The following ARHGEF9 variants were observed in gnomAD, a reference collection of about 807,000 sequenced individuals.
ARHGEF9 encodes the protein rho guanine nucleotide exchange factor 9.
In ARHGEF9, 2 loss-of-function variants were observed where a neutral mutation model predicts 41.3. The ratio of observed to expected loss-of-function variants is 0.05; its 90% CI spans 0.02 to 0.15. The LOEUF is 0.15. ARHGEF9 is among the 10% of genes least tolerant of loss of function. The probability of loss-of-function intolerance (pLI) is 1.00; values close to 1 mark genes in which losing one functional copy is unlikely to be tolerated. For synonymous variants in ARHGEF9, 160 were observed against 154.4 expected, an observed-to-expected ratio of 1.04 and a Z score of -0.27; for missense variants, 225 against 424.7, an observed-to-expected ratio of 0.53 and a Z score of 4.13.
At chrX:63,706,931 C>T (rs1374379066) in intron 2 of ARHGEF9, among the ~76,000 whole-genome samples, 2 of 112,025 alleles carry the variant, frequency 1.8e-5, no homozygotes, top group African/African-American at 6.5e-5. Context: ...AGATCTCTAC[C>T]TCTTCAAGAC....
Position 63,635,289 on chromosome X carries a change from G to A in ARHGEF9, c.*2739C>T, listed in dbSNP as rs1556295641. ...TAGAAATATACACATAGAGAGGGGG[G>A]GAAAAAGAGAGAATAATTAGATGTC... On this transcript the variant is annotated 3_prime_UTR_variant, in exon 10 of 10. Transcript: ENST00000671741. The A allele has an allele frequency of 5.8e-6, 3 of 515,792 alleles. No individual in the cohort carries two copies. Among genetic ancestry groups the A allele is most frequent in the South Asian group, 2.5e-5 (1 of 39,293 alleles). 42.5% of individuals were successfully genotyped at this position (515,792 alleles called of 1,213,427 possible).
intron 1 of ARHGEF9, among the ~76,000 whole-genome samples, chrX:63,736,639 T>C (rs1319569277): frequency 3.6e-5 from 4 of 112,169 alleles, no homozygotes; most frequent in Non-Finnish European, 5.6e-5. Context: ...CCTATAGTCT[T>C]AGAAGAATGG....
chrX:63,680,506 C>T (rs1223901732), intron 4 of ARHGEF9, among the ~76,000 whole-genome samples: 1 of 111,825 alleles, frequency 8.9e-6, no homozygotes, highest in Non-Finnish European at 1.9e-5. Flanking sequence ...TCTGAAAAGA[C>T]AGATATAGCC....
At chrX:63,720,007 C>G (rs1380573563) in intron 2 of ARHGEF9, among the ~76,000 whole-genome samples, 2 of 111,615 alleles carry the variant, frequency 1.8e-5, no homozygotes, top group Admixed American at 9.5e-5. Flanking sequence ...TAAGGGCCAC[C>G]ATGCATACCA....
chrX:63,716,067 G>C (rs2053271074), intron 2 of ARHGEF9: 1 of 111,691 alleles, frequency 9.0e-6, no homozygotes, highest in Non-Finnish European at 1.9e-5. Context: ...CAGGTGGATT[G>C]CTTGAGTCTA....
intron 6 of ARHGEF9, among the ~76,000 whole-genome samples, chrX:63,668,139 T>C (rs1234764621): frequency 9.0e-6 from 1 of 110,852 alleles, no homozygotes; most frequent in African/African-American, 3.3e-5. Context: ...CTACATTTTT[T>C]TTTTTCTTTT....
intron 1 of ARHGEF9, among the ~76,000 whole-genome samples, chrX:63,741,820 A>T (rs1450827621): frequency 8.0e-5 from 9 of 112,290 alleles, no homozygotes; most frequent in Non-Finnish European, 1.7e-4. Context: ...CCCATGTTTA[A>T]CTGAATGTGT....
intron 2 of ARHGEF9, among the ~76,000 whole-genome samples, chrX:63,712,677 C>T (rs2053019415): frequency 9.0e-6 from 1 of 111,557 alleles, no homozygotes. Context: ...ACCCACTAAA[C>T]TGTATACTTT....
intron 4 of ARHGEF9, among the ~76,000 whole-genome samples, chrX:63,685,695 T>C (rs2050940175): frequency 9.0e-6 from 1 of 111,719 alleles, no homozygotes; most frequent in Non-Finnish European, 1.9e-5. Flanking sequence ...TTGACAAAGG[T>C]GCCCAGGCAA....
chrX:63,683,350 G>T (rs1339133776), intron 4 of ARHGEF9, among the ~76,000 whole-genome samples: 1 of 111,674 alleles, frequency 9.0e-6, no homozygotes, highest in African/African-American at 3.2e-5. Flanking sequence ...AACTGAAGAA[G>T]ACACAAAGAA....
intron 3 of ARHGEF9, among the ~76,000 whole-genome samples, chrX:63,697,776 C>G (rs1286409146): frequency 4.5e-5 from 5 of 111,309 alleles, no homozygotes; most frequent in Admixed American, 1.9e-4. Context: ...AAAACAAAAC[C>G]ATTTCTTCAA....
At chrX:63,638,240 G>A in intron 9 of ARHGEF9, 31 bp from the exon 10 acceptor site, 1 of 1,144,765 alleles carries the variant, frequency 8.7e-7, no homozygotes, top group East Asian at 3.2e-5. Flanking sequence ...AAGGGAAAGG[G>A]TATAAGTTAT....
chrX:63,737,049 A>G (rs1422102831), intron 1 of ARHGEF9: 9 of 111,672 alleles, frequency 8.1e-5, no homozygotes, highest in Non-Finnish European at 1.7e-4. Flanking sequence ...CTCTATAGAC[A>G]TCATCCCTTC....
Position 63,674,992 on chromosome X carries a change from G to A in ARHGEF9, c.816-825C>T, listed in dbSNP as rs188999828. On this transcript the variant is annotated intron_variant, in intron 5 of 9. Coordinates refer to ENST00000671741, the MANE Select transcript of ARHGEF9 (RefSeq NM_001353921.2). ...ATCACCTTTAAGGTAGAGAGCATAC[G>A]CTTCTTTAGCCTTTACTCAATCCTG... 2.9e-4 allele frequency among the ~76,000 whole-genome samples: 32 copies of A among 111,239 alleles called. 1 individual carries two copies. Among genetic ancestry groups the A allele is most frequent in the African/African-American group, 3.6e-4 (11 of 30,644 alleles).
intron 1 of ARHGEF9, among the ~76,000 whole-genome samples, chrX:63,761,982 GT>G (rs2056041582): frequency 8.9e-6 from 1 of 111,830 alleles, no homozygotes; most frequent in Admixed American, 9.5e-5. Flanking sequence ...AAGTACAATG[GT>G]TTTCTGTCAA....
At chrX:63,644,102 G>T in intron 8 of ARHGEF9, 54 bp from the exon 9 acceptor site, 1 of 873,118 alleles carries the variant, frequency 1.1e-6, no homozygotes, top group African/African-American at 2.0e-5. Context: ...CCCTTACTGA[G>T]TGTATAAATG....
chrX:63,723,832 C>A (rs1228171706), intron 2 of ARHGEF9, among the ~76,000 whole-genome samples: 1 of 112,367 alleles, frequency 8.9e-6, no homozygotes, highest in Admixed American at 9.4e-5. Flanking sequence ...CTCCCAAGAG[C>A]CTCTCTGTTA....
chrX:63,781,534 C>A (rs2056380946), intron 1 of ARHGEF9, among the ~76,000 whole-genome samples: 1 of 111,615 alleles, frequency 9.0e-6, no homozygotes, highest in African/African-American at 3.3e-5. Flanking sequence ...ATCTGAGGGT[C>A]CGAGCAGGTG....
chrX:63,723,387 C>T (rs1432117351), intron 2 of ARHGEF9, among the ~76,000 whole-genome samples: 3 of 111,226 alleles, frequency 2.7e-5, no homozygotes, highest in Admixed American at 1.9e-4. Flanking sequence ...ATCACATTGC[C>T]ATAATTCTAA....
Sources: allele counts gnomAD v4.1 joint callset (sites outside exome capture counted in the v4.1 genomes callset), GRCh38; gene constraint gnomAD v4.1.1; transcripts MANE v1.5; gene names NCBI Gene and HGNC (gene_info 2026-07-23, HGNC 2026-07-21).